GAS2: variants seen among roughly 807,000 people sequenced by gnomAD.
GAS2 encodes the protein growth arrest-specific protein 2.
In GAS2, 20 loss-of-function variants were observed where a neutral mutation model predicts 37.5. That is an observed-to-expected ratio of 0.53 (90% CI 0.37 to 0.77). The LOEUF is 0.77. GAS2 is among the 30% of genes least tolerant of loss of function. The probability of loss-of-function intolerance (pLI) is 0.00; values close to 1 mark genes in which losing one functional copy is unlikely to be tolerated. For missense variants in GAS2, 336 were observed against 373.4 expected (o/e 0.90, Z 0.82); for synonymous variants, 144 against 132.2 (o/e 1.09, Z -0.61).
chr11:22,784,573 T>A (rs764347565), intron 7 of GAS2, among the ~76,000 whole-genome samples: 5 of 152,148 alleles, frequency 3.3e-5, no homozygotes, highest in Non-Finnish European at 7.4e-5. Context: ...CATATAATAG[T>A]CATTGCTCAC....
At chr11:22,712,630 G>A (rs1851462271) in intron 3 of GAS2, among the ~76,000 whole-genome samples, 1 of 152,130 alleles carries the variant, frequency 6.6e-6, no homozygotes, top group South Asian at 2.1e-4. Flanking sequence ...CTGGTAATAT[G>A]ACAAAACAAC....
At chr11:22,687,781 T>C (rs1472352829) in intron 3 of GAS2, among the ~76,000 whole-genome samples, 5 of 152,206 alleles carry the variant, frequency 3.3e-5, no homozygotes, top group Non-Finnish European at 5.9e-5. Flanking sequence ...ACAACTTGTA[T>C]AGAAGGTTTA....
At chr11:22,736,618 A>G (rs1852768997) in intron 4 of GAS2, among the ~76,000 whole-genome samples, 3 of 152,088 alleles carry the variant, frequency 2.0e-5, no homozygotes, top group African/African-American at 7.2e-5. Flanking sequence ...TATTGCCACT[A>G]TCATAATCTG....
intron 4 of GAS2, among the ~76,000 whole-genome samples, chr11:22,733,136 T>A (rs545238542): frequency 1.3e-5 from 2 of 151,640 alleles, no homozygotes; most frequent in African/African-American, 4.8e-5. Context: ...CCATGTGTTC[T>A]TAACCATATG....
intron 3 of GAS2, among the ~76,000 whole-genome samples, chr11:22,724,400 A>T (rs903063245): frequency 6.6e-6 from 1 of 151,990 alleles, no homozygotes; most frequent in African/African-American, 2.4e-5. Flanking sequence ...CAACAAATAT[A>T]CTTGTACATA....
At chr11:22,658,523 A>G (rs1224493270) in intron 1 of GAS2, among the ~76,000 whole-genome samples, 2 of 152,250 alleles carry the variant, frequency 1.3e-5, no homozygotes, top group African/African-American at 4.8e-5. Context: ...TTCCCACTTC[A>G]TTAAATGGCA....
intron 4 of GAS2, chr11:22,731,273 A>T (rs1852461439): frequency 4.9e-6 from 2 of 404,528 alleles, no homozygotes; most frequent in Non-Finnish European, 9.9e-6. Flanking sequence ...TTAAAAATAC[A>T]CACTTTTTTT....
chr11:22,784,336 G>A (rs777332154), intron 7 of GAS2, among the ~76,000 whole-genome samples: 3 of 152,118 alleles, frequency 2.0e-5, no homozygotes, highest in Non-Finnish European at 4.4e-5. Flanking sequence ...ACTATGAGAA[G>A]GAAAGCTTTG....
At chr11:22,762,802 T>C (rs1036613820) in intron 7 of GAS2, among the ~76,000 whole-genome samples, 1 of 152,182 alleles carries the variant, frequency 6.6e-6, no homozygotes, top group Non-Finnish European at 1.5e-5. Flanking sequence ...ATAGGCAAAA[T>C]TAACTAGAAT....
chr11:22,647,559 T>C (rs950644471), intron 1 of GAS2, among the ~76,000 whole-genome samples: 3 of 152,220 alleles, frequency 2.0e-5, no homozygotes, highest in East Asian at 1.9e-4. Context: ...AGTGTTCCTA[T>C]TTCTCCGCAT....
intron 7 of GAS2, among the ~76,000 whole-genome samples, chr11:22,807,365 C>T (rs1211827361): frequency 1.3e-5 from 2 of 152,240 alleles, no homozygotes; most frequent in African/African-American, 4.8e-5. Context: ...TTAAGGTGTC[C>T]GTATAAGGCA....
intron 1 of GAS2, among the ~76,000 whole-genome samples, chr11:22,655,185 C>T (rs983904057): frequency 6.6e-6 from 1 of 152,156 alleles, no homozygotes; most frequent in Non-Finnish European, 1.5e-5. Context: ...CTTACCTTAT[C>T]CTGACAGGGC....
chr11:22,741,518 G>A (rs1471137034), intron 5 of GAS2, among the ~76,000 whole-genome samples: 2 of 151,938 alleles, frequency 1.3e-5, no homozygotes, highest in Non-Finnish European at 2.9e-5. Flanking sequence ...TGGTATAGTG[G>A]AGTTTTTTAT....
intron 1 of GAS2, among the ~76,000 whole-genome samples, chr11:22,652,136 G>C (rs1301034609): frequency 1.4e-4 from 22 of 152,118 alleles, no homozygotes; most frequent in Admixed American, 6.5e-5. Context: ...TTCCTTCTAA[G>C]AGACAGGACC....
At chr11:22,746,660 T>A (rs1259214637) in intron 5 of GAS2, among the ~76,000 whole-genome samples, 1 of 151,990 alleles carries the variant, frequency 6.6e-6, no homozygotes, top group African/African-American at 2.4e-5. Flanking sequence ...TGGGTACTCA[T>A]GGACATAAAG....
intron 1 of GAS2, chr11:22,668,301 A>T (rs12280763): frequency 0.021 from 3,155 of 152,614 alleles, 97 homozygotes; most frequent in African/African-American, 0.072. Context: ...GTTCTCTCCA[A>T]CATGGGTGTC....
intron 3 of GAS2, among the ~76,000 whole-genome samples, chr11:22,716,204 A>ATTT (rs1851670540): frequency 6.6e-6 from 1 of 152,206 alleles, no homozygotes; most frequent in African/African-American, 2.4e-5. Flanking sequence ...AGTTAATAAA[A>ATTT]GCCATCTATG....
chr11:22,670,108 G>A (rs188756683), intron 1 of GAS2, among the ~76,000 whole-genome samples: 116 of 152,254 alleles, frequency 7.6e-4, no homozygotes, highest in Admixed American at 1.7e-3. Flanking sequence ...TTGGAGCACT[G>A]TTTATTTTTA....
chr11:22,715,479 A>AAAAAAAAAAAAAAAAAAAAAG (rs1554973679), intron 3 of GAS2, among the ~76,000 whole-genome samples: 1 of 145,788 alleles, frequency 6.9e-6, no homozygotes, highest in African/African-American at 2.5e-5. Flanking sequence ...AAAAAAAAAA[A>AAAAAAAAAAAAAAAAAAAAAG]AAAAGAAAAG....
Sources: allele counts gnomAD v4.1 joint callset (sites outside exome capture counted in the v4.1 genomes callset), GRCh38; gene constraint gnomAD v4.1.1; transcripts MANE v1.5; gene names NCBI Gene and HGNC (gene_info 2026-07-23, HGNC 2026-07-21).